ST6GALNAC3: variants seen among roughly 807,000 people sequenced by gnomAD.
ST6GALNAC3 encodes ST6 N-acetylgalactosaminide alpha-2,6-sialyltransferase 3, also known as alpha-N-acetylgalactosaminide alpha-2,6-sialyltransferase 3.
In ST6GALNAC3, 25 loss-of-function variants were observed where a neutral mutation model predicts 32.7. The observed-to-expected ratio is 0.76, with a 90% confidence interval of 0.56 to 1.07. The LOEUF (loss-of-function observed/expected upper bound fraction) is 1.07. Among genes scored for constraint, ST6GALNAC3 ranks in the 50% least tolerant of loss-of-function variants. The pLI, the probability that ST6GALNAC3 is intolerant of heterozygous loss-of-function variation, is 0.00. For missense variants in ST6GALNAC3, 355 were observed against 382.4 expected (o/e 0.93, Z 0.60); for synonymous variants, 129 against 133.1 (o/e 0.97, Z 0.21).
chr1:76,548,562 G>A (rs188655780), intron 3 of ST6GALNAC3, among the ~76,000 whole-genome samples: 19 of 152,220 alleles, frequency 1.2e-4, no homozygotes, highest in African/African-American at 2.4e-4. Context: ...TCTTTCTTAC[G>A]TGAGGCGTTG....
Position 76,509,322 on chromosome 1 carries a change from C to T in ST6GALNAC3, c.623+96905C>T, listed in dbSNP as rs1291556268. Among the ~76,000 whole-genome samples the T allele has an allele frequency of 6.6e-6, 1 of 152,104 alleles. No individual in the cohort carries two copies. Among genetic ancestry groups the T allele is most frequent in the Admixed American group, 6.6e-5 (1 of 15,262 alleles). ...TGGTTTAAAGAATATTGGCAGGAAT[C>T]CAGTAAACTAGCTTGAGTCAGATGA... On this transcript the variant is annotated intron_variant, in intron 3 of 4. Transcript: ENST00000328299. The surrounding 1 kb of genome is among the most constrained non-coding windows in gnomAD (Gnocchi z 5.5).
intron 3 of ST6GALNAC3, among the ~76,000 whole-genome samples, chr1:76,441,779 AT>A (rs1185730680): frequency 1.3e-5 from 2 of 151,684 alleles, no homozygotes. Flanking sequence ...ACCAGATCTG[AT>A]TTTAGAGTCC....
intron 1 of ST6GALNAC3, among the ~76,000 whole-genome samples, chr1:76,192,772 A>G (rs937824299): frequency 7.9e-5 from 12 of 152,170 alleles, no homozygotes; most frequent in Admixed American, 5.2e-4. Flanking sequence ...TGAGACTGGA[A>G]TCCACTTTCA....
intron 2 of ST6GALNAC3, among the ~76,000 whole-genome samples, chr1:76,350,024 G>T (rs574271323): frequency 6.6e-6 from 1 of 151,978 alleles, no homozygotes; most frequent in Admixed American, 6.6e-5. Context: ...TGGTATACAA[G>T]ATTTATTTTA....
rs573134139 is a variant in ST6GALNAC3, at chr1:76,633,380, T to C, written c.*4574T>C. The C allele has an allele frequency of 6.6e-6, 1 of 152,352 alleles. No homozygotes were observed. Among genetic ancestry groups the C allele is most frequent in the South Asian group, 2.1e-4 (1 of 4,828 alleles). The allele number at this position is 152,352 out of a possible 1,614,324, so 9.4% of individuals were successfully genotyped here. On this transcript the variant is annotated 3_prime_UTR_variant, in exon 5 of 5. Transcript: ENST00000328299. ...AAATATTTTCATAATTGAAGGAACATATCCCATTGATTGTCTACACTTTCT... is the reference window on the plus strand; with the variant it reads ...AAATATTTTCATAATTGAAGGAACACATCCCATTGATTGTCTACACTTTCT...
intron 1 of ST6GALNAC3, among the ~76,000 whole-genome samples, chr1:76,149,677 C>CTT (rs1557655304): frequency 4.5e-4 from 69 of 152,108 alleles, no homozygotes; most frequent in Middle Eastern, 3.4e-3. Context: ...TCCATTGTTC[C>CTT]ATTGTGTATT....
At chr1:76,281,396 G>A (rs1659490850) in intron 1 of ST6GALNAC3, among the ~76,000 whole-genome samples, 1 of 152,348 alleles carries the variant, frequency 6.6e-6, no homozygotes, top group African/African-American at 2.4e-5. Context: ...TGAGAGAGCC[G>A]TTGGATTGCA....
intron 3 of ST6GALNAC3, 130 bp from the exon 4 acceptor site, chr1:76,627,322 C>A: frequency 1.6e-6 from 1 of 632,822 alleles, no homozygotes; most frequent in Non-Finnish European, 2.8e-6. Context: ...TCAAGTTTCT[C>A]AACTCTTTTT....
intron 2 of ST6GALNAC3, among the ~76,000 whole-genome samples, chr1:76,410,040 C>T (rs1654114729): frequency 6.6e-6 from 1 of 152,108 alleles, no homozygotes; most frequent in Admixed American, 6.6e-5. Flanking sequence ...GCGGCCTAAT[C>T]TCCTGCTTCC....
At chr1:76,589,558 T>C (rs550900410) in intron 3 of ST6GALNAC3, among the ~76,000 whole-genome samples, 8 of 152,092 alleles carry the variant, frequency 5.3e-5, no homozygotes, top group African/African-American at 1.9e-4. Context: ...ATGAATGGCT[T>C]ATAAAATGGG....
At chr1:76,507,063 A>G (rs1341322098) in intron 3 of ST6GALNAC3, among the ~76,000 whole-genome samples, 2 of 152,158 alleles carry the variant, frequency 1.3e-5, no homozygotes, top group Admixed American at 1.3e-4. Flanking sequence ...GACAAAACTC[A>G]AATTCTGACT....
intron 1 of ST6GALNAC3, among the ~76,000 whole-genome samples, chr1:76,200,026 T>A (rs1198107458): frequency 6.6e-6 from 1 of 152,180 alleles, no homozygotes; most frequent in Non-Finnish European, 1.5e-5. Flanking sequence ...CAAAATTAAA[T>A]TTGTAGTGGG....
intron 3 of ST6GALNAC3, among the ~76,000 whole-genome samples, chr1:76,426,277 C>G (rs943643772): frequency 6.6e-6 from 1 of 151,802 alleles, no homozygotes; most frequent in Non-Finnish European, 1.5e-5. Flanking sequence ...TGTTGTTTAC[C>G]TCTCTGCCCC....
chr1:76,399,623 T>A (rs1401150899), intron 2 of ST6GALNAC3, among the ~76,000 whole-genome samples: 1 of 152,194 alleles, frequency 6.6e-6, no homozygotes, highest in Non-Finnish European at 1.5e-5. Flanking sequence ...TCTTGTGGTA[T>A]TTGGGGATTT....
At chr1:76,203,017 T>C (rs1332911309) in intron 1 of ST6GALNAC3, among the ~76,000 whole-genome samples, 1 of 152,220 alleles carries the variant, frequency 6.6e-6, no homozygotes, top group East Asian at 1.9e-4. Flanking sequence ...GTTGCAGGAT[T>C]GGAATTTAGA....
At chr1:76,341,276 C>T (rs903367689) in intron 2 of ST6GALNAC3, among the ~76,000 whole-genome samples, 12 of 151,792 alleles carry the variant, frequency 7.9e-5, no homozygotes, top group Non-Finnish European at 1.5e-5. Context: ...ACCCAATGTT[C>T]AGCTCCTGCT....
At chr1:76,557,016 T>C (rs1165605624) in intron 3 of ST6GALNAC3, among the ~76,000 whole-genome samples, 2 of 151,980 alleles carry the variant, frequency 1.3e-5, no homozygotes. Context: ...TATGCTTAGG[T>C]CTATTATCTA....
At chr1:76,464,228 A>G (rs111963089) in intron 3 of ST6GALNAC3, among the ~76,000 whole-genome samples, 2 of 152,294 alleles carry the variant, frequency 1.3e-5, no homozygotes, top group African/African-American at 4.8e-5. Flanking sequence ...ATTTTCTGCC[A>G]TGATTTCAAA....
intron 2 of ST6GALNAC3, among the ~76,000 whole-genome samples, chr1:76,370,041 G>T (rs962172638): frequency 1.3e-5 from 2 of 152,114 alleles, no homozygotes; most frequent in African/African-American, 4.8e-5. Context: ...AAATCAATTT[G>T]TAAAATAATG....
Sources: allele counts gnomAD v4.1 joint callset (sites outside exome capture counted in the v4.1 genomes callset), GRCh38; gene constraint gnomAD v4.1.1; non-coding constraint Gnocchi (gnomAD v3.1); transcripts MANE v1.5; gene names NCBI Gene and HGNC (gene_info 2026-07-23, HGNC 2026-07-21).